The following FBXW10 variants were observed in gnomAD, a reference collection of about 807,000 sequenced individuals.
FBXW10 encodes F-box and WD repeat domain containing 10, also known as F-box/WD repeat-containing protein 10.
FBXW10 carries 68 observed loss-of-function variants against 113.1 expected under a neutral mutation model. The observed-to-expected ratio is 0.60, with a 90% CI of 0.49 to 0.74. FBXW10 has a LOEUF of 0.74. Ranked by LOEUF, FBXW10 falls within the 30% of genes least tolerant of loss-of-function variation. The pLI is 0.00. For synonymous variants in FBXW10, 289 were observed against 481.6 expected (o/e 0.60, Z 5.24); for missense variants, 753 against 1,284.5 (o/e 0.59, Z 6.32).
chr17:18,764,848 G>A lies in FBXW10; in HGVS notation c.1540G>A (p.Asp514Asn). 6.2e-7 allele frequency: 1 copy of A among 1,613,990 alleles called. No homozygotes were observed. ...GAACAGGCTCGTATCTGGAGGAAGAGATTGCCAGGTAAAAGGTGAGAAAGA... is the reference window on the plus strand; with the variant it reads ...GAACAGGCTCGTATCTGGAGGAAGAAATTGCCAGGTAAAAGGTGAGAAAGA... Reference protein sequence around the residue: ...CKNRLVSGGRDCQVKVWDVDT... With the variant: ...CKNRLVSGGRNCQVKVWDVDT... Residue 514 changes from aspartate (D) to asparagine (N), a missense_variant, in exon 8 of 14, where the codon GAT becomes AAT. Asp to Asn is a conservative substitution (Grantham distance 23). Transcript: ENST00000395665.
chr17:18,764,333 C>T (rs1453295399), intron 7 of FBXW10, among the ~76,000 whole-genome samples: 1 of 151,638 alleles, frequency 6.6e-6, no homozygotes, highest in East Asian at 1.9e-4. Flanking sequence ...TCCTGAGTAG[C>T]TGGGACTACA....
At chr17:18,760,593 C>T (rs964256177) in intron 7 of FBXW10, among the ~76,000 whole-genome samples, 15 of 152,176 alleles carry the variant, frequency 9.9e-5, no homozygotes, top group Admixed American at 3.9e-4. Context: ...CATCTGAGGT[C>T]GGGAGTTTGA....
intron 5 of FBXW10, among the ~76,000 whole-genome samples, chr17:18,752,622 AGAATGGTGT>A (rs2035190929): frequency 6.6e-6 from 1 of 151,794 alleles, no homozygotes; most frequent in Non-Finnish European, 1.5e-5. Flanking sequence ...CTGAGGCAGG[AGAATGGTGT>A]GAACCCGGGA....
At chr17:18,753,899 GAA>G (rs1386727851) in intron 5 of FBXW10, among the ~76,000 whole-genome samples, 1 of 151,988 alleles carries the variant, frequency 6.6e-6, no homozygotes, top group African/African-American at 2.4e-5. Flanking sequence ...GAAAGAGAGA[GAA>G]AAGGGAGAGA....
At chr17:18,757,061 CAT>C (rs1319567169) in intron 6 of FBXW10, among the ~76,000 whole-genome samples, 1 of 151,852 alleles carries the variant, frequency 6.6e-6, no homozygotes, top group African/African-American at 2.4e-5. Context: ...TATGTGTGTA[CAT>C]ATACACACAC....
intron 1 of FBXW10, 58 bp downstream of exon 1, chr17:18,744,807 C>T: frequency 3.8e-6 from 6 of 1,579,462 alleles, no homozygotes; most frequent in Non-Finnish European, 5.2e-6. Context: ...GGCAAGGCTT[C>T]AGAAATCTGT....
At chr17:18,746,919 CTTTTTTTTTT>C (rs1166761219) in intron 1 of FBXW10, among the ~76,000 whole-genome samples, 1 of 129,144 alleles carries the variant, frequency 7.7e-6, no homozygotes, top group Non-Finnish European at 1.7e-5. Context: ...TGGCAACCTT[CTTTTTTTTTT>C]TTTTTTTTTT....
At chr17:18,755,322 C>T (rs1343658490) in intron 5 of FBXW10, among the ~76,000 whole-genome samples, 2 of 151,228 alleles carry the variant, frequency 1.3e-5, no homozygotes, top group East Asian at 2.0e-4. Flanking sequence ...TTTGGGAAGC[C>T]GAGGCAGGCA....
intron 4 of FBXW10, among the ~76,000 whole-genome samples, chr17:18,750,690 C>T (rs1259899772): frequency 2.0e-5 from 3 of 152,016 alleles, no homozygotes; most frequent in Admixed American, 6.6e-5. Flanking sequence ...GTGAGGCTGG[C>T]GACAGTCTGA....
intron 12 of FBXW10, among the ~76,000 whole-genome samples, chr17:18,773,148 G>T (rs756831537): frequency 6.6e-6 from 1 of 151,810 alleles, no homozygotes; most frequent in African/African-American, 2.4e-5. Flanking sequence ...GATCAGGCTG[G>T]TCTCAAACTC....
chr17:18,753,571 A>G (rs1246734602), intron 5 of FBXW10, among the ~76,000 whole-genome samples: 5 of 152,028 alleles, frequency 3.3e-5, no homozygotes, highest in African/African-American at 4.8e-5. Context: ...TAATTCTTAC[A>G]TGTGTAATTT....
intron 6 of FBXW10, among the ~76,000 whole-genome samples, chr17:18,756,406 C>T (rs1410472096): frequency 6.6e-6 from 1 of 152,226 alleles, no homozygotes; most frequent in Non-Finnish European, 1.5e-5. Context: ...ACAAGTCACA[C>T]ATAAAATCTT....
intron 11 of FBXW10, among the ~76,000 whole-genome samples, chr17:18,771,147 A>G (rs776527900): frequency 2.6e-5 from 4 of 151,362 alleles, no homozygotes; most frequent in Non-Finnish European, 5.9e-5. Context: ...TTTTTTACTC[A>G]CAGCATCCAA....
intron 1 of FBXW10, among the ~76,000 whole-genome samples, chr17:18,745,943 T>G (rs2035032087): frequency 6.6e-6 from 1 of 152,230 alleles, no homozygotes; most frequent in South Asian, 2.1e-4. Context: ...GAGTTTTATT[T>G]GGCTCACAGT....
intron 8 of FBXW10, among the ~76,000 whole-genome samples, chr17:18,765,573 C>T (rs990572598): frequency 3.9e-5 from 6 of 152,178 alleles, no homozygotes; most frequent in African/African-American, 7.2e-5. Flanking sequence ...GAGTCATCGC[C>T]GGCTGTTAGT....
intron 11 of FBXW10, among the ~76,000 whole-genome samples, chr17:18,770,494 G>T (rs2035592465): frequency 6.6e-6 from 1 of 151,884 alleles, no homozygotes; most frequent in African/African-American, 2.4e-5. Context: ...AGTAGAGACG[G>T]GGTTTCACCA....
chr17:18,760,905 A>G (rs373192421), intron 7 of FBXW10, among the ~76,000 whole-genome samples: 2 of 151,392 alleles, frequency 1.3e-5, no homozygotes, highest in African/African-American at 4.8e-5. Flanking sequence ...ATTTTCTTCT[A>G]TCAACATTAC....
intron 11 of FBXW10, among the ~76,000 whole-genome samples, chr17:18,771,924 A>G (rs1285230511): frequency 2.0e-5 from 3 of 152,098 alleles, no homozygotes; most frequent in Non-Finnish European, 4.4e-5. Flanking sequence ...CCTGGGCAAC[A>G]TGGCGAAACC....
intron 7 of FBXW10, among the ~76,000 whole-genome samples, chr17:18,764,073 G>A (rs919076891): frequency 3.5e-5 from 5 of 144,204 alleles, no homozygotes; most frequent in Non-Finnish European, 6.0e-5. Context: ...CCTCCTTCCC[G>A]GCTTGTGACC....
Sources: gnomAD v4.1 joint callset for allele counts (sites outside exome capture counted in the v4.1 genomes callset) on GRCh38, gnomAD v4.1.1 for gene constraint, MANE v1.5 for transcripts, NCBI Gene and HGNC (gene_info 2026-07-23, HGNC 2026-07-21) for gene names.